BMPER: variants seen among roughly 807,000 people sequenced by gnomAD.
BMPER encodes BMP-binding endothelial regulator protein.
A neutral mutation model predicts 87.3 loss-of-function variants in BMPER; 45 were observed. That is an observed-to-expected ratio of 0.52 (90% CI 0.41 to 0.66). The LOEUF (loss-of-function observed/expected upper bound fraction) is 0.66, where lower values mean the gene tolerates loss of function less well. Ranked by LOEUF, BMPER falls within the 30% of genes least tolerant of loss-of-function variation. The pLI, the probability that BMPER is intolerant of heterozygous loss-of-function variation, is 0.00. For missense variants in BMPER, 784 were observed against 867.5 expected, an observed-to-expected ratio of 0.90 and a Z score of 1.21; for synonymous variants, 326 against 316.2, an observed-to-expected ratio of 1.03 and a Z score of -0.33.
At position 34,120,152 on chromosome 7, in the gene BMPER, G is replaced by A. The variant is rs980735972; in HGVS notation, c.1746-23078G>A. 3.7e-4 allele frequency among the ~76,000 whole-genome samples: 57 copies of A among 152,244 alleles called. 1 individual carries two copies. Among genetic ancestry groups the A allele is most frequent in the African/African-American group, 1.3e-3 (56 of 41,566 alleles). On this transcript the variant is annotated intron_variant, in intron 13 of 14. Coordinates refer to ENST00000649409, the MANE Select transcript of BMPER (RefSeq NM_001365308.1). Reference sequence around the variant, plus strand: ...AGAAATGGATACCTCAAGCTGAGAAGATGTAAAAGTATAAAATATTTGAAC... The same window carrying A: ...AGAAATGGATACCTCAAGCTGAGAAAATGTAAAAGTATAAAATATTTGAAC...
intron 7 of BMPER, among the ~76,000 whole-genome samples, chr7:34,046,650 T>G (rs540391094): frequency 6.6e-6 from 1 of 152,328 alleles, no homozygotes; most frequent in Admixed American, 6.5e-5. Flanking sequence ...CCAGATGACC[T>G]GGGGTAATTC....
intron 3 of BMPER, among the ~76,000 whole-genome samples, chr7:33,965,266 G>A (rs903072972): frequency 6.6e-6 from 1 of 152,206 alleles, no homozygotes; most frequent in South Asian, 2.1e-4. Flanking sequence ...AGAGAGCAGA[G>A]TATTACTGAG....
Position 34,086,017 on chromosome 7 carries a change from A to G in BMPER, c.1670A>G (p.His557Arg). 6.2e-7 allele frequency: 1 copy of G among 1,614,154 alleles called. No individual in the cohort carries two copies. Among genetic ancestry groups the G allele is most frequent in the African/African-American group, 1.3e-5 (1 of 75,032 alleles). ...QGTVKVKLRA[H>R]RECQKLKSWE... is the part of the protein sequence containing the mutation. ...ACAGTCAAGGTAAAGCTCCGGGCCC[A>G]TCGAGAATGCCAAAAGCTCAAATCC... The change falls in exon 13 of 15, where the codon CAT (histidine) becomes CGT (arginine). Residue 557 changes from histidine to arginine, a missense_variant. Coordinates refer to ENST00000649409, the MANE Select transcript of BMPER (RefSeq NM_001365308.1).
intron 11 of BMPER, among the ~76,000 whole-genome samples, chr7:34,066,454 T>C (rs1314704001): frequency 6.6e-6 from 1 of 152,222 alleles, no homozygotes; most frequent in Non-Finnish European, 1.5e-5. Flanking sequence ...TGATGATTTA[T>C]TTAAAACAAA....
In BMPER at chr7:34,088,223, G is replaced by A. The variant is rs566879631; in HGVS notation, c.1745+2131G>A. On this transcript the variant is annotated intron_variant, in intron 13 of 14. Coordinates refer to ENST00000649409, the MANE Select transcript of BMPER (RefSeq NM_001365308.1). Reference sequence around the variant, plus strand: ...ATCAGTGTCATTGTGTCATGGTAGAGTGCCCTTCCACAGTGGGCCACTTCT... The same window carrying A: ...ATCAGTGTCATTGTGTCATGGTAGAATGCCCTTCCACAGTGGGCCACTTCT... 1.5e-4 allele frequency among the ~76,000 whole-genome samples: 23 copies of A among 152,308 alleles called. 2 individuals are homozygous for A. The South Asian group carries it at 3.9e-3, about 26-fold the overall frequency.
At chr7:33,928,846 T>C (rs1784419875) in intron 2 of BMPER, among the ~76,000 whole-genome samples, 2 of 152,102 alleles carry the variant, frequency 1.3e-5, no homozygotes, top group Non-Finnish European at 2.9e-5. Flanking sequence ...CACTGTCATT[T>C]AGTGATGTAT....
intron 6 of BMPER, among the ~76,000 whole-genome samples, chr7:33,989,567 C>T (rs1421185456): frequency 2.0e-5 from 3 of 152,096 alleles, no homozygotes; most frequent in Admixed American, 2.0e-4. Flanking sequence ...TTGTAGGTTG[C>T]CTGTTCACTC....
chr7:33,993,574 G>A (rs1344755873), intron 6 of BMPER, among the ~76,000 whole-genome samples: 17 of 151,436 alleles, frequency 1.1e-4, no homozygotes, highest in African/African-American at 1.7e-4. Flanking sequence ...ATGTCCTCCC[G>A]TAGCTCAGAG....
At chr7:34,106,595 C>T (rs1347294953) in intron 13 of BMPER, among the ~76,000 whole-genome samples, 5 of 152,206 alleles carry the variant, frequency 3.3e-5, no homozygotes, top group African/African-American at 1.2e-4. Context: ...AAGCTGTCCG[C>T]TTTGCCAGAT....
At chr7:34,108,909 T>G (rs1375660903) in intron 13 of BMPER, among the ~76,000 whole-genome samples, 1 of 152,182 alleles carries the variant, frequency 6.6e-6, no homozygotes, top group Non-Finnish European at 1.5e-5. Flanking sequence ...GCCTACAATA[T>G]TTCTTGCAAG....
At chr7:33,934,508 G>C (rs1162133984) in intron 2 of BMPER, among the ~76,000 whole-genome samples, 1 of 140,224 alleles carries the variant, frequency 7.1e-6, no homozygotes, top group Non-Finnish European at 1.5e-5. Context: ...TTTGTTCTAT[G>C]TGTGTGTACA....
intron 12 of BMPER, among the ~76,000 whole-genome samples, chr7:34,084,193 C>T (rs1450934071): frequency 3.9e-5 from 6 of 151,994 alleles, no homozygotes; most frequent in Non-Finnish European, 7.4e-5. Context: ...CCCAGCTACT[C>T]GGGAGGCTGA....
At chr7:33,982,051 T>G (rs933548410) in intron 6 of BMPER, among the ~76,000 whole-genome samples, 1 of 152,154 alleles carries the variant, frequency 6.6e-6, no homozygotes, top group African/African-American at 2.4e-5. Context: ...ACAGGAGACA[T>G]GACTGACCTC....
At chr7:33,923,499 A>G (rs925666689) in intron 2 of BMPER, among the ~76,000 whole-genome samples, 1 of 152,192 alleles carries the variant, frequency 6.6e-6, no homozygotes, top group Non-Finnish European at 1.5e-5. Flanking sequence ...TTAGGTTGGA[A>G]GGTGTGATAA....
At chr7:34,137,037 A>T (rs1041904245) in intron 13 of BMPER, among the ~76,000 whole-genome samples, 2 of 152,226 alleles carry the variant, frequency 1.3e-5, no homozygotes, top group African/African-American at 4.8e-5. Flanking sequence ...GGAAGCATAG[A>T]TGTGTTTGAT....
intron 6 of BMPER, among the ~76,000 whole-genome samples, chr7:33,986,953 C>T (rs547935231): frequency 1.2e-4 from 19 of 152,166 alleles, no homozygotes; most frequent in Admixed American, 4.6e-4. Flanking sequence ...CCCCTCCCCT[C>T]CTGTGCCCTT....
At chr7:34,113,993 A>T (rs1583452738) in intron 13 of BMPER, among the ~76,000 whole-genome samples, 1 of 152,106 alleles carries the variant, frequency 6.6e-6, no homozygotes. Flanking sequence ...TCTCTTACTG[A>T]CAGCATTTAT....
intron 6 of BMPER, among the ~76,000 whole-genome samples, chr7:34,044,896 A>G (rs986691386): frequency 3.3e-5 from 5 of 152,210 alleles, no homozygotes; most frequent in African/African-American, 1.2e-4. Flanking sequence ...GAAAACAGAA[A>G]CAACAGGCGG....
Position 34,153,127 on chromosome 7 carries a change from T to C in BMPER, c.1912T>C (p.Cys638Arg), listed in dbSNP as rs1331350807. The C allele has an allele frequency of 1.2e-6, 2 of 1,614,032 alleles. No individual in the cohort carries two copies. Among genetic ancestry groups the C allele is most frequent in the South Asian group, 1.1e-5 (1 of 91,074 alleles). The change falls in exon 15 of 15, where the codon TGT (cysteine) becomes CGT (arginine). Residue 638 changes from cysteine to arginine, a missense_variant. Transcript: ENST00000649409. ...QCKHGAVYDT[C>R]GPGCIKTCDN... ...TAAGCATGGTGCTGTGTACGATACC[T>C]GTGGTCCGGGATGTATCAAGACGTG...
Sources: allele counts gnomAD v4.1 joint callset (sites outside exome capture counted in the v4.1 genomes callset), GRCh38; gene constraint gnomAD v4.1.1; transcripts MANE v1.5; gene names NCBI Gene and HGNC (gene_info 2026-07-23, HGNC 2026-07-21).